Variants in RAD51B observed in about 807,000 individuals in gnomAD.
RAD51B encodes RAD51 paralog B, also known as DNA repair protein RAD51 homolog 2.
Under a neutral mutation model 42.2 loss-of-function variants are expected in RAD51B, and 38 were observed. The observed-to-expected ratio is 0.90, with a 90% confidence interval of 0.70 to 1.18. The LOEUF is 1.18. RAD51B is among the 50% of genes most tolerant of loss of function. The pLI is 0.00. For synonymous variants in RAD51B, 154 were observed against 145.2 expected, an observed-to-expected ratio of 1.06 and a Z score of -0.43; for missense variants, 373 against 400.7, an observed-to-expected ratio of 0.93 and a Z score of 0.59.
chr14:68,561,493 C>T (rs1594974902), intron 10 of RAD51B, among the ~76,000 whole-genome samples: 1 of 152,094 alleles, frequency 6.6e-6, no homozygotes, highest in African/African-American at 2.4e-5. Flanking sequence ...GACACTTAGG[C>T]GAGGTGACTA....
At chr14:68,610,893 C>A in intron 10 of RAD51B, 195 of 466,164 alleles carry the variant, frequency 4.2e-4, no homozygotes, top group East Asian at 5.9e-4. Context: ...GTGTCATCTC[C>A]CTAGTTGTGT....
At chr14:68,119,767 C>T (rs1416551133) in intron 7 of RAD51B, among the ~76,000 whole-genome samples, 241 of 151,390 alleles carry the variant, frequency 1.6e-3, no homozygotes, top group African/African-American at 5.4e-3. Context: ...TGAATATTGC[C>T]GCAATAAACA....
chr14:67,977,855 C>T (rs1438584843), intron 7 of RAD51B, among the ~76,000 whole-genome samples: 1 of 152,190 alleles, frequency 6.6e-6, no homozygotes, highest in African/African-American at 2.4e-5. Flanking sequence ...AATAAAGCTC[C>T]AGTTCTTTCG....
At chr14:68,217,763 G>A (rs1459875372) in intron 7 of RAD51B, among the ~76,000 whole-genome samples, 3 of 152,330 alleles carry the variant, frequency 2.0e-5, no homozygotes, top group African/African-American at 7.2e-5. Flanking sequence ...TTGGAGCAGA[G>A]AGTCGGGCAC....
intron 7 of RAD51B, among the ~76,000 whole-genome samples, chr14:67,900,730 A>C (rs1188010584): frequency 6.6e-6 from 1 of 151,954 alleles, no homozygotes; most frequent in Non-Finnish European, 1.5e-5. Flanking sequence ...ACTAAAGTAC[A>C]GTATTTTAAA....
intron 9 of RAD51B, among the ~76,000 whole-genome samples, chr14:68,427,576 T>G (rs927411035): frequency 6.6e-6 from 1 of 152,256 alleles, no homozygotes; most frequent in Admixed American, 6.5e-5. Context: ...CCTTTTGGAA[T>G]GGGAATGTCT....
intron 7 of RAD51B, among the ~76,000 whole-genome samples, chr14:68,064,094 CT>C (rs1353021586): frequency 2.0e-5 from 3 of 152,170 alleles, no homozygotes; most frequent in African/African-American, 7.2e-5. Flanking sequence ...CATTCTTTTG[CT>C]TACAGATGTA....
At chr14:67,839,465 G>A (rs544168666) in intron 4 of RAD51B, among the ~76,000 whole-genome samples, 2 of 151,972 alleles carry the variant, frequency 1.3e-5, no homozygotes, top group South Asian at 4.2e-4. Flanking sequence ...TTATAATAAA[G>A]TTATTCATTA....
chr14:68,457,902 T>C (rs1165325688), intron 9 of RAD51B, among the ~76,000 whole-genome samples: 8 of 148,124 alleles, frequency 5.4e-5, no homozygotes, highest in Admixed American at 1.3e-4. Context: ...CGTGAGCCAC[T>C]GCGCCCAGCC....
intron 4 of RAD51B, among the ~76,000 whole-genome samples, chr14:67,855,441 G>A (rs1010465613): frequency 5.5e-5 from 8 of 146,614 alleles, no homozygotes; most frequent in Non-Finnish European, 9.0e-5. Flanking sequence ...GTTTCACTGT[G>A]TTAGTAGCCA....
At chr14:68,017,872 G>A (rs982654558) in intron 7 of RAD51B, among the ~76,000 whole-genome samples, 1 of 152,090 alleles carries the variant, frequency 6.6e-6, no homozygotes, top group Non-Finnish European at 1.5e-5. Context: ...TCGGGACGCT[G>A]AGGCAGGAGA....
At chr14:67,904,379 A>G (rs1212626078) in intron 7 of RAD51B, among the ~76,000 whole-genome samples, 1 of 152,112 alleles carries the variant, frequency 6.6e-6, no homozygotes, top group Admixed American at 6.6e-5. Flanking sequence ...GTGTATAAGC[A>G]TTCCCTTTTC....
intron 7 of RAD51B, chr14:68,113,759 C>CACTG (rs2077495974): frequency 6.6e-6 from 1 of 152,070 alleles, no homozygotes; most frequent in Admixed American, 6.6e-5. Flanking sequence ...TTATCACAGT[C>CACTG]ACTGCATTGA....
intron 7 of RAD51B, among the ~76,000 whole-genome samples, chr14:68,091,955 A>T (rs543849151): frequency 1.6e-4 from 24 of 152,316 alleles, no homozygotes; most frequent in Admixed American, 5.9e-4. Context: ...TTAAATAGGG[A>T]ATCCTTTCCC....
intron 11 of RAD51B, among the ~76,000 whole-genome samples, chr14:68,656,116 GC>G (rs1329589551): frequency 1.3e-5 from 2 of 152,120 alleles, no homozygotes; most frequent in Non-Finnish European, 2.9e-5. Flanking sequence ...CACAGGAATG[GC>G]AGGCATTGAC....
At chr14:68,282,892 T>TG (rs11410015) in intron 7 of RAD51B, among the ~76,000 whole-genome samples, 2,662 of 152,198 alleles carry the variant, frequency 0.017, 62 homozygotes, top group African/African-American at 0.06. Flanking sequence ...TCTCAGAGGC[T>TG]GGGGGGGACC....
chr14:68,621,810 A>G (rs1891955083), intron 10 of RAD51B, among the ~76,000 whole-genome samples: 1 of 152,232 alleles, frequency 6.6e-6, no homozygotes, highest in African/African-American at 2.4e-5. Flanking sequence ...GTCAGCAGCC[A>G]GGGCCCAGCT....
intron 9 of RAD51B, among the ~76,000 whole-genome samples, chr14:68,448,499 T>C (rs2085475580): frequency 6.6e-6 from 1 of 152,236 alleles, no homozygotes; most frequent in South Asian, 2.1e-4. Context: ...CATCTTTGCT[T>C]TCCCTAATGT....
intron 7 of RAD51B, among the ~76,000 whole-genome samples, chr14:68,205,528 A>G (rs1370483078): frequency 6.6e-6 from 1 of 152,154 alleles, no homozygotes; most frequent in Admixed American, 6.5e-5. Flanking sequence ...AATAAAAGAT[A>G]GAGACAGCTT....
Sources: gnomAD v4.1 joint callset for allele counts (sites outside exome capture counted in the v4.1 genomes callset) on GRCh38, gnomAD v4.1.1 for gene constraint, MANE v1.5 for transcripts, NCBI Gene and HGNC (gene_info 2026-07-23, HGNC 2026-07-21) for gene names.